Variants in CLVS1 observed in about 807,000 individuals in gnomAD.
CLVS1 encodes the protein clavesin-1.
In CLVS1, 10 loss-of-function variants were observed where a neutral mutation model predicts 33.1. That is an observed-to-expected ratio of 0.30 (90% CI 0.19 to 0.51). The LOEUF is 0.51. Ranked by LOEUF, CLVS1 falls within the 20% of genes least tolerant of loss-of-function variation. The probability of loss-of-function intolerance (pLI) is 0.97; values close to 1 mark genes in which losing one functional copy is unlikely to be tolerated. For missense variants in CLVS1, 343 were observed against 433.4 expected (o/e 0.79, Z 1.85); for synonymous variants, 163 against 166.1 (o/e 0.98, Z 0.14).
At chr8:60,991,687 A>T in the CLVS1 span, among the ~76,000 whole-genome samples, 1 of 150,616 alleles carries the variant, frequency 6.6e-6, no homozygotes, top group East Asian at 1.9e-4. Flanking sequence ...AATTCAACAA[A>T]CCAGGACCTC....
At chr8:61,238,609 C>T (rs924965114) in intron 2 of CLVS1, among the ~76,000 whole-genome samples, 15 of 152,200 alleles carry the variant, frequency 9.9e-5, no homozygotes, top group Non-Finnish European at 2.1e-4. Flanking sequence ...GTAGAGGGCC[C>T]ACCCACACTT....
intron 1 of CLVS1, among the ~76,000 whole-genome samples, chr8:61,118,546 C>T (rs1017758569): frequency 9.3e-5 from 14 of 150,866 alleles, no homozygotes; most frequent in Non-Finnish European, 1.8e-4. Flanking sequence ...GCTTTGAATG[C>T]GTCCCAGAGA....
intron 3 of CLVS1, among the ~76,000 whole-genome samples, chr8:61,415,049 C>T (rs1008153635): frequency 4.6e-5 from 7 of 152,226 alleles, no homozygotes; most frequent in African/African-American, 1.2e-4. Flanking sequence ...TCCAAAAAAC[C>T]GAGCGATTGC....
chr8:61,062,996 T>A (rs1046126673), intron 1 of CLVS1, among the ~76,000 whole-genome samples: 3 of 152,216 alleles, frequency 2.0e-5, no homozygotes, highest in African/African-American at 7.2e-5. Flanking sequence ...ATGCATTATG[T>A]CATTTATTCC....
At chr8:61,204,491 T>C (rs1807800173) in intron 2 of CLVS1, among the ~76,000 whole-genome samples, 1 of 152,246 alleles carries the variant, frequency 6.6e-6, no homozygotes, top group Non-Finnish European at 1.5e-5. Context: ...ATGTACTTAA[T>C]GCTAAGGACG....
intron 3 of CLVS1, among the ~76,000 whole-genome samples, chr8:61,432,676 C>A (rs930845832): frequency 2.6e-5 from 4 of 152,082 alleles, no homozygotes; most frequent in African/African-American, 9.7e-5. Flanking sequence ...ATAATGCCAG[C>A]AAACTAATAT....
At chr8:61,321,364 T>C (rs1248714707) in intron 2 of CLVS1, among the ~76,000 whole-genome samples, 1 of 151,846 alleles carries the variant, frequency 6.6e-6, no homozygotes, top group African/African-American at 2.4e-5. Flanking sequence ...AACAACCTGA[T>C]TTTGATGTGG....
intron 3 of CLVS1, among the ~76,000 whole-genome samples, chr8:61,417,056 T>C (rs1339100806): frequency 1.3e-5 from 2 of 151,976 alleles, no homozygotes; most frequent in African/African-American, 2.4e-5. Flanking sequence ...GAGAAAATGA[T>C]CTGAGGGCAT....
intron 2 of CLVS1, among the ~76,000 whole-genome samples, chr8:61,270,149 T>C (rs1219474237): frequency 6.6e-6 from 1 of 152,148 alleles, no homozygotes; most frequent in Non-Finnish European, 1.5e-5. Context: ...TGGCTGTGGG[T>C]TTGTCGTAGA....
chr8:61,135,089 T>A lies in CLVS1; in HGVS notation c.-152+3229T>A, dbSNP rs56031720. Among the ~76,000 whole-genome samples the A allele has an allele frequency of 6.0e-3, 902 of 151,390 alleles. 7 individuals are homozygous for A. Among genetic ancestry groups the A allele is most frequent in the African/African-American group, 0.019 (802 of 41,192 alleles). On this transcript the variant is annotated intron_variant, in intron 2 of 2. Coordinates refer to the CLVS1 transcript ENST00000522621. ...CAAGAGGAAAATCCTAAAAAGGAGA[T>A]GGAAACAGGAACAGTTCAAGGAAAG...
At chr8:61,344,806 C>T (rs987699672) in intron 2 of CLVS1, among the ~76,000 whole-genome samples, 2 of 151,648 alleles carry the variant, frequency 1.3e-5, no homozygotes, top group African/African-American at 2.4e-5. Flanking sequence ...TAACTGTAGC[C>T]ATGGGACTTG....
chr8:61,013,872 T>G, the CLVS1 span, among the ~76,000 whole-genome samples: 2 of 152,200 alleles, frequency 1.3e-5, no homozygotes, highest in Non-Finnish European at 2.9e-5. Flanking sequence ...ACGCAGCCTG[T>G]TGTGCTGCAC....
chr8:61,041,225 G>A, the CLVS1 span, among the ~76,000 whole-genome samples: 1 of 152,114 alleles, frequency 6.6e-6, no homozygotes. Flanking sequence ...TGCTGTTTTG[G>A]TTATTGTAGC....
the CLVS1 span, among the ~76,000 whole-genome samples, chr8:60,984,607 C>T: frequency 2.6e-3 from 389 of 152,280 alleles, 2 homozygotes; most frequent in Non-Finnish European, 4.8e-3. Flanking sequence ...GGATTTCAGG[C>T]GTGAGCCACC....
chr8:61,378,984 A>G (rs1294404537), intron 3 of CLVS1, among the ~76,000 whole-genome samples: 4 of 152,170 alleles, frequency 2.6e-5, no homozygotes, highest in Non-Finnish European at 5.9e-5. Context: ...AGCCACAAAA[A>G]TTCAAGATAA....
At chr8:61,113,564 A>G (rs1393203802) in intron 1 of CLVS1, among the ~76,000 whole-genome samples, 2 of 152,218 alleles carry the variant, frequency 1.3e-5, no homozygotes, top group South Asian at 2.1e-4. Flanking sequence ...CCAGCTGCCC[A>G]TAGTTCACTC....
At chr8:61,033,219 A>G in the CLVS1 span, among the ~76,000 whole-genome samples, 1 of 152,122 alleles carries the variant, frequency 6.6e-6, no homozygotes, top group Admixed American at 6.5e-5. Flanking sequence ...TCTCAAAACA[A>G]AACAACAACA....
intron 2 of CLVS1, among the ~76,000 whole-genome samples, chr8:61,200,455 C>T (rs902352529): frequency 2.6e-5 from 4 of 152,210 alleles, no homozygotes; most frequent in Admixed American, 1.3e-4. Context: ...CACAATGCAT[C>T]GTTCCATATG....
At chr8:61,060,466 G>A (rs1804562661) in intron 1 of CLVS1, among the ~76,000 whole-genome samples, 1 of 152,122 alleles carries the variant, frequency 6.6e-6, no homozygotes, top group African/African-American at 2.4e-5. Context: ...GTTGAGCTTA[G>A]AGGAACCTGA....
Sources: gnomAD v4.1 joint callset for allele counts (sites outside exome capture counted in the v4.1 genomes callset) on GRCh38, gnomAD v4.1.1 for gene constraint, MANE v1.5 for transcripts, NCBI Gene and HGNC (gene_info 2026-07-23, HGNC 2026-07-21) for gene names.